ATRNL1: variants seen among roughly 807,000 people sequenced by gnomAD.
The protein encoded by ATRNL1 is attractin like 1.
Under a neutral mutation model 182.7 loss-of-function variants are expected in ATRNL1, and 95 were observed. The observed-to-expected ratio is 0.52, with a 90% CI of 0.44 to 0.62. The LOEUF is 0.62. ATRNL1 is among the 20% of genes least tolerant of loss of function. The pLI is 0.00. For synonymous variants in ATRNL1, 576 were observed against 568.3 expected (o/e 1.01, Z -0.19); for missense variants, 1,471 against 1,679.5 (o/e 0.88, Z 2.17).
At chr10:115,166,666 C>T (rs538259736) in intron 7 of ATRNL1, among the ~76,000 whole-genome samples, 2 of 152,036 alleles carry the variant, frequency 1.3e-5, no homozygotes, top group South Asian at 2.1e-4. Context: ...TGTTAAATAT[C>T]TTTTCAAGTG....
At chr10:115,323,069 A>C (rs537331570) in intron 18 of ATRNL1, among the ~76,000 whole-genome samples, 1 of 151,846 alleles carries the variant, frequency 6.6e-6, no homozygotes, top group Non-Finnish European at 1.5e-5. Context: ...AATAATTTTT[A>C]TTTTCTTTTC....
chr10:115,762,274 T>G (rs1481595503), intron 27 of ATRNL1, among the ~76,000 whole-genome samples: 15 of 137,954 alleles, frequency 1.1e-4, no homozygotes, highest in Non-Finnish European at 2.3e-4. Flanking sequence ...GTTTTATTCC[T>G]CCTGGCTCAG....
intron 26 of ATRNL1, among the ~76,000 whole-genome samples, chr10:115,581,197 A>G (rs1296956165): frequency 3.3e-5 from 5 of 152,176 alleles, no homozygotes; most frequent in Non-Finnish European, 7.4e-5. Context: ...TAATCAATTC[A>G]GCAAGAGATT....
intron 26 of ATRNL1, among the ~76,000 whole-genome samples, chr10:115,550,653 C>A (rs1168672188): frequency 1.3e-5 from 2 of 151,660 alleles, no homozygotes; most frequent in Non-Finnish European, 3.0e-5. Flanking sequence ...AAAAAGTAAT[C>A]CCATGGAAAA....
intron 27 of ATRNL1, among the ~76,000 whole-genome samples, chr10:115,770,572 A>G (rs1948965183): frequency 1.3e-5 from 2 of 152,172 alleles, no homozygotes; most frequent in Admixed American, 1.3e-4. Context: ...TATAAATTAA[A>G]TGTCCATTAC....
intron 27 of ATRNL1, among the ~76,000 whole-genome samples, chr10:115,816,697 C>G (rs1161509821): frequency 1.3e-5 from 2 of 152,046 alleles, no homozygotes; most frequent in Admixed American, 6.6e-5. Context: ...CGCACTTTAA[C>G]TATTTTCCTA....
At chr10:115,303,781 T>C (rs1165086507) in intron 17 of ATRNL1, among the ~76,000 whole-genome samples, 1 of 152,166 alleles carries the variant, frequency 6.6e-6, no homozygotes, top group African/African-American at 2.4e-5. Context: ...GTTGGTGTGT[T>C]TGATCCAGGT....
At chr10:115,450,704 G>A (rs1847236865) in intron 21 of ATRNL1, among the ~76,000 whole-genome samples, 1 of 152,126 alleles carries the variant, frequency 6.6e-6, no homozygotes, top group Non-Finnish European at 1.5e-5. Flanking sequence ...ACTGCCCAAA[G>A]CAATTTACAG....
chr10:115,835,750 A>T (rs2907556), intron 27 of ATRNL1, among the ~76,000 whole-genome samples: 8 of 152,202 alleles, frequency 5.3e-5, no homozygotes, highest in South Asian at 2.1e-4. Flanking sequence ...AGCTCTGAGC[A>T]GAGTCCTTCT....
chr10:115,635,799 T>C (rs1383759630), intron 26 of ATRNL1, among the ~76,000 whole-genome samples: 2 of 152,088 alleles, frequency 1.3e-5, no homozygotes, highest in African/African-American at 2.4e-5. Context: ...AATCAGACAC[T>C]GTACAGGAAA....
chr10:115,676,934 G>A (rs1009557358), intron 26 of ATRNL1, among the ~76,000 whole-genome samples: 15 of 152,028 alleles, frequency 9.9e-5, no homozygotes, highest in African/African-American at 3.6e-4. Flanking sequence ...CAATGTCTCA[G>A]TTAAAGAAAG....
chr10:115,921,060 A>G (rs1250823360), intron 28 of ATRNL1, among the ~76,000 whole-genome samples: 2 of 152,212 alleles, frequency 1.3e-5, no homozygotes, highest in Non-Finnish European at 2.9e-5. Context: ...TGCTCACAGA[A>G]TAAGATAGCA....
intron 21 of ATRNL1, among the ~76,000 whole-genome samples, chr10:115,431,702 T>C (rs1372509691): frequency 1.3e-5 from 2 of 152,290 alleles, no homozygotes; most frequent in East Asian, 1.9e-4. Context: ...TTTTAATCCG[T>C]GTGCAATTAT....
intron 26 of ATRNL1, among the ~76,000 whole-genome samples, chr10:115,567,260 A>T (rs1555002185): frequency 6.6e-6 from 1 of 152,142 alleles, no homozygotes; most frequent in Non-Finnish European, 1.5e-5. Context: ...TGACGTTAAT[A>T]TTTTACAAAT....
intron 27 of ATRNL1, among the ~76,000 whole-genome samples, chr10:115,814,007 CATT>C (rs1555087793): frequency 6.6e-6 from 1 of 151,998 alleles, no homozygotes; most frequent in Admixed American, 6.6e-5. Flanking sequence ...CAGTGAATCT[CATT>C]ATGTTGGTGC....
At chr10:115,799,753 A>G (rs1949747661) in intron 27 of ATRNL1, among the ~76,000 whole-genome samples, 2 of 152,204 alleles carry the variant, frequency 1.3e-5, no homozygotes, top group Admixed American at 6.5e-5. Context: ...ACACAACCCT[A>G]CATTTTACAC....
At chr10:115,761,369 G>A (rs1224169058) in intron 27 of ATRNL1, among the ~76,000 whole-genome samples, 1 of 152,156 alleles carries the variant, frequency 6.6e-6, no homozygotes, top group Admixed American at 6.5e-5. Flanking sequence ...GCGAGGTAAG[G>A]AAAAAGTTAC....
intron 8 of ATRNL1, among the ~76,000 whole-genome samples, chr10:115,195,453 T>C (rs1848325189): frequency 6.6e-6 from 1 of 152,128 alleles, no homozygotes; most frequent in South Asian, 2.1e-4. Flanking sequence ...GCAAGTTTCC[T>C]ACTGAGAAGT....
chr10:115,774,659 G>A (rs1457133061), intron 27 of ATRNL1, among the ~76,000 whole-genome samples: 1 of 151,976 alleles, frequency 6.6e-6, no homozygotes, highest in African/African-American at 2.4e-5. Flanking sequence ...TTCAACTTTA[G>A]TACCGTCCAA....
Sources: allele counts gnomAD v4.1 joint callset (sites outside exome capture counted in the v4.1 genomes callset), GRCh38; gene constraint gnomAD v4.1.1; transcripts MANE v1.5; gene names NCBI Gene and HGNC (gene_info 2026-07-23, HGNC 2026-07-21).